The following FAM114A1 variants were observed in gnomAD, a reference collection of about 807,000 sequenced individuals.
The protein encoded by FAM114A1 is protein NOXP20.
Under a neutral mutation model 64.3 loss-of-function variants are expected in FAM114A1, and 62 were observed. The ratio of observed to expected loss-of-function variants is 0.96; its 90% CI spans 0.79 to 1.19. The LOEUF (loss-of-function observed/expected upper bound fraction) is 1.19, where lower values mean the gene tolerates loss of function less well. FAM114A1 is among the 50% of genes most tolerant of loss of function. The pLI is 0.00. For missense variants in FAM114A1, 645 were observed against 676.3 expected, an observed-to-expected ratio of 0.95 and a Z score of 0.51; for synonymous variants, 254 against 251.1, an observed-to-expected ratio of 1.01 and a Z score of -0.11.
chr4:38,923,722 T>C (rs1032721719), intron 9 of FAM114A1, among the ~76,000 whole-genome samples: 1 of 152,234 alleles, frequency 6.6e-6, no homozygotes, highest in Non-Finnish European at 1.5e-5. Context: ...TACCATTTTC[T>C]GACAGTGCAC....
At chr4:38,892,135 G>A (rs571157254) in intron 4 of FAM114A1, among the ~76,000 whole-genome samples, 21 of 152,312 alleles carry the variant, frequency 1.4e-4, no homozygotes, top group Admixed American at 3.3e-4. Context: ...ATGGCTTTTA[G>A]CCACTATATT....
At chr4:38,931,339 C>T (rs772543127) in intron 10 of FAM114A1, 112 bp from the exon 11 acceptor site, 2 of 1,282,164 alleles carry the variant, frequency 1.6e-6, no homozygotes, top group Non-Finnish European at 2.1e-6. Context: ...TCCAAACATA[C>T]AGAGATCCAT....
chr4:38,878,281 C>G lies in FAM114A1; in HGVS notation c.203C>G (p.Pro68Arg). Residue 68 changes from proline (P) to arginine (R), a missense_variant, in exon 3 of 15, where the codon CCC (proline) becomes CGC (arginine). Coordinates refer to ENST00000358869, the MANE Select transcript of FAM114A1 (RefSeq NM_138389.4). ...VQGAGAAAIG[P>R]PVQPQDANAL... is the part of the protein sequence containing the mutation. ...GGTGCAGGGGCTGCCGCCATTGGGC[C>G]CCCTGTGCAGCCTCAGGATGCCAAC... is the stretch of plus-strand genomic sequence containing the variant. 1 of 1,614,194 alleles carries G rather than the reference C, an allele frequency of 6.2e-7. No individual in the cohort carries two copies. Among genetic ancestry groups the G allele is most frequent in the African/African-American group, 1.3e-5 (1 of 75,042 alleles).
intron 2 of FAM114A1, among the ~76,000 whole-genome samples, chr4:38,874,546 C>G (rs1468332315): frequency 6.6e-6 from 1 of 152,018 alleles, no homozygotes; most frequent in African/African-American, 2.4e-5. Context: ...ATTTAAGTTC[C>G]TTACAGATTC....
chr4:38,882,147 C>T (rs1400357322), intron 3 of FAM114A1, among the ~76,000 whole-genome samples: 18 of 148,926 alleles, frequency 1.2e-4, no homozygotes, highest in African/African-American at 4.5e-4. Context: ...CCCGTCTCTA[C>T]TAAAAATACA....
At chr4:38,870,133 A>G (rs1713887039) in intron 2 of FAM114A1, among the ~76,000 whole-genome samples, 1 of 152,160 alleles carries the variant, frequency 6.6e-6, no homozygotes, top group Non-Finnish European at 1.5e-5. Flanking sequence ...CGCCTGCAGG[A>G]CACAACTCTT....
At chr4:38,900,690 A>C (rs991794933) in intron 4 of FAM114A1, among the ~76,000 whole-genome samples, 2 of 152,216 alleles carry the variant, frequency 1.3e-5, no homozygotes, top group Non-Finnish European at 2.9e-5. Flanking sequence ...GGGCACTTAG[A>C]AATAGTCAAA....
intron 8 of FAM114A1, among the ~76,000 whole-genome samples, chr4:38,922,556 A>C (rs1719703252): frequency 6.6e-6 from 1 of 152,204 alleles, no homozygotes; most frequent in South Asian, 2.1e-4. Flanking sequence ...CTCCACAAAG[A>C]ATCTCCCTTT....
chr4:38,890,011 G>A (rs534333174), intron 3 of FAM114A1, among the ~76,000 whole-genome samples: 7 of 151,750 alleles, frequency 4.6e-5, no homozygotes, highest in East Asian at 3.9e-4. Flanking sequence ...GTGGGCACTC[G>A]CTGTAACTAT....
At chr4:38,891,661 C>G in intron 3 of FAM114A1, 82 bp from the exon 4 acceptor site, 4 of 1,221,274 alleles carry the variant, frequency 3.3e-6, no homozygotes, top group Non-Finnish European at 4.6e-6. Flanking sequence ...TCCAAACCTC[C>G]TCTTTGTTTC....
chr4:38,931,296 T>C (rs1720608138), intron 10 of FAM114A1, among the ~76,000 whole-genome samples, 155 bp from the exon 11 acceptor site: 1 of 152,182 alleles, frequency 6.6e-6, no homozygotes, highest in Non-Finnish European at 1.5e-5. Context: ...CAAGGTTATC[T>C]TTTTCGGGGG....
intron 7 of FAM114A1, among the ~76,000 whole-genome samples, chr4:38,911,939 G>A (rs1254330603): frequency 7.3e-6 from 1 of 137,258 alleles, no homozygotes; most frequent in African/African-American, 2.8e-5. Flanking sequence ...TTGACTCACT[G>A]CAACCTCCGC....
intron 8 of FAM114A1, among the ~76,000 whole-genome samples, chr4:38,917,149 C>CAAATAAATAAAT (rs55953630): frequency 0.1 from 14,555 of 142,922 alleles, 1,083 homozygotes; most frequent in East Asian, 0.29. Context: ...ACTAAAAATA[C>CAAATAAATAAAT]AAATAAATAA....
At chr4:38,877,694 G>T (rs915654773) in intron 2 of FAM114A1, among the ~76,000 whole-genome samples, 2 of 152,204 alleles carry the variant, frequency 1.3e-5, no homozygotes, top group African/African-American at 4.8e-5. Context: ...GCCGGGCGCG[G>T]TGGCTCACGC....
At position 38,912,407 on chromosome 4, in the gene FAM114A1, T is replaced by C. The variant is rs141609836; in HGVS notation, c.793-2514T>C. On this transcript the variant is annotated intron_variant, in intron 7 of 14. Coordinates refer to ENST00000358869, the MANE Select transcript of FAM114A1 (RefSeq NM_138389.4). ...TTTTGTTTGTTTGTTTGTTTTGAGA[T>C]GGAGTCTCACTCTGTCACCCAGGCT... is the stretch of plus-strand genomic sequence containing the variant. Among the ~76,000 whole-genome samples, 752 of 151,370 alleles carry C rather than the reference T, an allele frequency of 5.0e-3. 9 individuals carry two copies. Among genetic ancestry groups the C allele is most frequent in the African/African-American group, 0.017 (705 of 41,230 alleles).
At chr4:38,925,713 A>G (rs1278923857) in intron 9 of FAM114A1, among the ~76,000 whole-genome samples, 2 of 152,214 alleles carry the variant, frequency 1.3e-5, no homozygotes, top group African/African-American at 4.8e-5. Flanking sequence ...GTGATTTACC[A>G]TGGCTGAGAA....
intron 13 of FAM114A1, 85 bp downstream of exon 13, chr4:38,935,875 G>A (rs568629715): frequency 2.1e-6 from 2 of 955,694 alleles, no homozygotes; most frequent in African/African-American, 1.7e-5. Flanking sequence ...GCCTTCTTTA[G>A]TAGCTCCATA....
intron 3 of FAM114A1, among the ~76,000 whole-genome samples, chr4:38,883,634 A>G (rs922370674): frequency 6.6e-6 from 1 of 152,210 alleles, no homozygotes; most frequent in African/African-American, 2.4e-5. Context: ...CTAAAAAAGG[A>G]GAAGCAGAAT....
At chr4:38,886,401 C>A (rs1360370935) in intron 3 of FAM114A1, among the ~76,000 whole-genome samples, 1 of 151,348 alleles carries the variant, frequency 6.6e-6, no homozygotes. Flanking sequence ...AAACTCCTGA[C>A]CTCAGGTGAT....
Sources: allele counts gnomAD v4.1 joint callset (sites outside exome capture counted in the v4.1 genomes callset), GRCh38; gene constraint gnomAD v4.1.1; transcripts MANE v1.5; gene names NCBI Gene and HGNC (gene_info 2026-07-23, HGNC 2026-07-21).